Variants in VWF observed in about 807,000 individuals in gnomAD.
VWF encodes Factor VIII related antigen.
VWF carries 176 observed loss-of-function variants against 308.6 expected under a neutral mutation model. That is an observed-to-expected ratio of 0.57 (90% CI 0.50 to 0.65). The LOEUF is 0.65. Among genes scored for constraint, VWF ranks in the 30% least tolerant of loss-of-function variants. VWF has a pLI of 0.00. For missense variants in VWF, 3,146 were observed against 3,648.2 expected (o/e 0.86, Z 3.55); for synonymous variants, 1,385 against 1,443.4 (o/e 0.96, Z 0.92).
At chr12:6,096,249 C>T (rs1945105182) in intron 5 of VWF, among the ~76,000 whole-genome samples, 1 of 152,136 alleles carries the variant, frequency 6.6e-6, no homozygotes, top group Non-Finnish European at 1.5e-5. Context: ...TGCCTTTCTC[C>T]CTCCATGTGG....
In VWF at chr12:6,076,087, A is replaced by T. The variant is rs140238883; in HGVS notation, c.658-536T>A. Among the ~76,000 whole-genome samples, 145 of 151,390 alleles carry T rather than the reference A, an allele frequency of 9.6e-4. 2 individuals carry two copies. In the East Asian group the frequency reaches 0.027, roughly 29 times the overall value. ...CAGCAAGATTTTTTTTTTTTTAAAC[A>T]CTCCCCAGGTGATTGCTGGGGCCAG... On this transcript the variant is annotated intron_variant, in intron 6 of 51. Transcript: ENST00000261405.
rs1407333020 is a variant in VWF at position 6,063,044 on chromosome 12, G to A, written c.1443C>T (p.Arg481=). The A allele has an allele frequency of 1.2e-6, 2 of 1,613,346 alleles. No homozygotes were observed. Among genetic ancestry groups the A allele is most frequent in the South Asian group, 1.1e-5 (1 of 91,050 alleles). Residue 481 remains arginine, a synonymous_variant, in exon 13 of 52, where the codon CGC becomes CGT. Transcript: ENST00000261405. This position sits in a 1 kb window ranked among gnomAD's most constrained non-coding sequence, Gnocchi z 4.9. ...VQLPLLKGDL[R]IQHTVTASVR... ...CGGAGGCCGTCACTGTATGCTGGAT[G>A]CGGAGGTCACCTGGAACCCAGCAGG...
At chr12:5,984,665 A>G (rs745830535) in intron 40 of VWF, among the ~76,000 whole-genome samples, 1 of 152,380 alleles carries the variant, frequency 6.6e-6, no homozygotes, top group African/African-American at 2.4e-5. Flanking sequence ...AACCTCTAGC[A>G]AACAACCTGC....
At chr12:6,093,938 TA>T (rs1220603855) in intron 6 of VWF, among the ~76,000 whole-genome samples, 1 of 152,118 alleles carries the variant, frequency 6.6e-6, no homozygotes, top group Non-Finnish European at 1.5e-5. Context: ...GGCTACCTTG[TA>T]AGTGGCAACA....
In VWF at chr12:5,979,992, G is replaced by A. The variant is rs566315382; in HGVS notation, c.7287+1794C>T. On this transcript the variant is annotated intron_variant, in intron 42 of 51. Coordinates refer to ENST00000261405, the MANE Select transcript of VWF (RefSeq NM_000552.5). ...GGAGGTGGAGCTTGCAGTGAGCCGA[G>A]ACTGCGCCACTGCACTCCAGCCTGG... Among the ~76,000 whole-genome samples, 5 of 145,806 alleles carry A rather than the reference G, an allele frequency of 3.4e-5. No homozygotes were observed. The South Asian group carries it at 1.1e-3, about 32-fold the overall frequency.
At chr12:6,002,979 G>C (rs1943889032) in intron 34 of VWF, among the ~76,000 whole-genome samples, 1 of 152,002 alleles carries the variant, frequency 6.6e-6, no homozygotes, top group African/African-American at 2.4e-5. Context: ...AGCATTGGCA[G>C]AATCTGTCTC....
At chr12:6,124,251 G>A (rs1296369411) in intron 1 of VWF, among the ~76,000 whole-genome samples, 170 bp downstream of exon 1, 1 of 152,202 alleles carries the variant, frequency 6.6e-6, no homozygotes, top group African/African-American at 2.4e-5. Flanking sequence ...GACCCTCAGA[G>A]GCAAGTGGAG....
At chr12:6,108,324 AAG>A (rs1345449794) in intron 5 of VWF, among the ~76,000 whole-genome samples, 31 of 76,036 alleles carry the variant, frequency 4.1e-4, no homozygotes, top group Middle Eastern at 7.2e-3. Flanking sequence ...GAAAGAAAGA[AAG>A]AAATATATAC....
At chr12:6,027,843 G>GACACAT (rs1591869206) in intron 22 of VWF, among the ~76,000 whole-genome samples, 1 of 64,240 alleles carries the variant, frequency 1.6e-5, no homozygotes, top group Non-Finnish European at 2.8e-5. Flanking sequence ...ATACATGGAA[G>GACACAT]ACACATACAC....
intron 3 of VWF, 95 bp from the exon 4 acceptor site, chr12:6,111,063 C>A (rs1945303487): frequency 1.7e-6 from 2 of 1,159,110 alleles, no homozygotes; most frequent in African/African-American, 1.5e-5. Context: ...CTTTTCTCAG[C>A]AGAAAACGCC....
rs150077670 is a variant in VWF at position 6,019,103 on chromosome 12, C to T, written c.4315G>A (p.Val1439Met). The T allele has an allele frequency of 5.5e-4, 883 of 1,613,852 alleles. 4 individuals carry two copies. Among genetic ancestry groups the T allele is most frequent in the African/African-American group, 5.1e-3 (386 of 75,012 alleles). ...TCCAGCTCATCCACACTGCTCAGCA[C>T]GAAGGCCTTGTTCTCAGGGGCCTGC... ...EKQAPENKAF[V>M]LSSVDELEQQ... The change falls in exon 28 of 52, where the codon GTG (valine) becomes ATG (methionine). Residue 1439 changes from valine to methionine, a missense_variant. Transcript: ENST00000261405. The surrounding 1 kb of genome is among the most constrained non-coding windows in gnomAD (Gnocchi z 5.8).
chr12:5,981,027 T>C (rs1365931376), intron 42 of VWF, among the ~76,000 whole-genome samples: 2 of 152,224 alleles, frequency 1.3e-5, no homozygotes, highest in African/African-American at 2.4e-5. Context: ...GACACTTTAT[T>C]ATATTCAGTT....
intron 5 of VWF, among the ~76,000 whole-genome samples, chr12:6,108,155 G>A (rs1204410775): frequency 5.3e-5 from 8 of 151,716 alleles, no homozygotes; most frequent in Non-Finnish European, 1.2e-4. Flanking sequence ...TTAGCCAGGC[G>A]TGGTGACACC....
chr12:6,111,609 G>A (rs4586226), intron 3 of VWF, among the ~76,000 whole-genome samples: 79,031 of 151,920 alleles, frequency 0.52, 22,147 homozygotes, highest in Non-Finnish European at 0.65. Context: ...TCCTTGGTGC[G>A]AGTAATTACA....
rs61750618 is a variant in VWF at position 5,994,027 on chromosome 12, G to A, written c.6433C>T (p.Pro2145Ser). ...ACCTTGTGGCATTCAGCAAACAGTG[G>A]TAAGAGGAGGACCTGGCAGTGGGAG... ...DSSHCQVLLLPLFAECHKVLA... is the reference protein window; with the variant it reads ...DSSHCQVLLLSLFAECHKVLA... Residue 2145 changes from proline to serine, a missense_variant, in exon 37 of 52, where the codon CCA (proline) becomes TCA (serine). Pro to Ser is a moderately conservative substitution (Grantham distance 74, BLOSUM62 -1). Coordinates refer to ENST00000261405, the MANE Select transcript of VWF (RefSeq NM_000552.5). 1.0e-4 allele frequency: 168 copies of A among 1,614,070 alleles called. 1 individual carries two copies. In the Middle Eastern group the frequency reaches 3.0e-3, roughly 28 times the overall value.
Position 6,019,652 on chromosome 12 carries a change from T to C in VWF, c.3766A>G (p.Thr1256Ala). 2 of 1,613,160 alleles carry C rather than the reference T, an allele frequency of 1.2e-6. No individual in the cohort carries two copies. Among genetic ancestry groups the C allele is most frequent in the Non-Finnish European group, 1.7e-6 (2 of 1,179,640 alleles). Residue 1256 changes from threonine to alanine, a missense_variant, in exon 28 of 52, where the codon ACT (threonine) becomes GCT (alanine). Physicochemically the swap from Thr to Ala is moderately conservative, Grantham distance 58. This residue lies in a region of VWF where 853 missense variants were observed against 1,177.8 expected (regional missense o/e 0.72). Transcript: ENST00000261405. The surrounding 1 kb of genome is among the most constrained non-coding windows in gnomAD (Gnocchi z 5.8). Reference protein sequence around the residue: ...PPTDAPVSPTTLYVEDISEPP... With the variant: ...PPTDAPVSPTALYVEDISEPP... ...TCCGAGATGTCCTCCACATACAGAG[T>C]GGTGGGGCTCACCGGGGCATCTGTG...
chr12:6,028,785 A>G (rs184566815), intron 22 of VWF, among the ~76,000 whole-genome samples: 37,858 of 152,176 alleles, frequency 0.25, 5,008 homozygotes, highest in African/African-American at 0.31. Context: ...AGAAACAACC[A>G]GTACCAGCCA....
chr12:6,096,744 C>T (rs1050362373), intron 5 of VWF, among the ~76,000 whole-genome samples: 2 of 152,178 alleles, frequency 1.3e-5, no homozygotes, highest in Non-Finnish European at 2.9e-5. Flanking sequence ...CCTCGTGGAC[C>T]TACATGGCCT....
chr12:5,953,237 A>G (rs999273100), intron 48 of VWF, among the ~76,000 whole-genome samples: 2 of 152,152 alleles, frequency 1.3e-5, no homozygotes, highest in African/African-American at 4.8e-5. Context: ...AGAAAGAAAA[A>G]AAAAAGATCA....
Sources: gnomAD v4.1 joint callset for allele counts (sites outside exome capture counted in the v4.1 genomes callset) on GRCh38, gnomAD v4.1.1 for gene constraint, gnomAD v4.1.1 regional missense constraint, Gnocchi (gnomAD v3.1) non-coding constraint, MANE v1.5 for transcripts, NCBI Gene and HGNC (gene_info 2026-07-23, HGNC 2026-07-21) for gene names.